The following RASA3 variants were observed in gnomAD, a reference collection of about 807,000 sequenced individuals.
The protein encoded by RASA3 is RAS p21 protein activator 3.
In RASA3, 73 loss-of-function variants were observed where a neutral mutation model predicts 110.0. The observed-to-expected ratio is 0.66, with a 90% CI of 0.55 to 0.81. RASA3 has a LOEUF of 0.81. Ranked by LOEUF, RASA3 falls within the 30% of genes least tolerant of loss-of-function variation. RASA3 has a pLI of 0.00. For missense variants in RASA3, 976 were observed against 1,113.2 expected (o/e 0.88, Z 1.75); for synonymous variants, 500 against 451.4 (o/e 1.11, Z -1.37).
intron 1 of RASA3, among the ~76,000 whole-genome samples, chr13:114,097,774 C>G (rs906242150): frequency 6.6e-6 from 1 of 152,200 alleles, no homozygotes; most frequent in Non-Finnish European, 1.5e-5. Flanking sequence ...GGGCAAGAGG[C>G]GGGAGAGAGT....
At position 114,065,546 on chromosome 13, in the gene RASA3, C is replaced by A. The variant is rs118056962; in HGVS notation, c.173+8174G>T. On this transcript the variant is annotated intron_variant, in intron 2 of 23. Coordinates refer to ENST00000334062, the MANE Select transcript of RASA3 (RefSeq NM_007368.4). The surrounding 1 kb of genome is among the most constrained non-coding windows in gnomAD (Gnocchi z 4.1). The stretch of plus-strand genomic sequence containing the variant: ...CCCCACAGAGAAGGGGCAACTTGGC[C>A]AGGGAAAATGCTCCATCTCCGCAAA... Among the ~76,000 whole-genome samples, 1 of 152,278 alleles carries A rather than the reference C, an allele frequency of 6.6e-6. No individual in the cohort carries two copies. Among genetic ancestry groups the A allele is most frequent in the East Asian group, 1.9e-4 (1 of 5,182 alleles).
intron 21 of RASA3, among the ~76,000 whole-genome samples, chr13:113,994,479 AAAG>A (rs1465401462): frequency 3.3e-5 from 5 of 152,196 alleles, no homozygotes; most frequent in Admixed American, 6.5e-5. Flanking sequence ...AAAAAAGAAG[AAAG>A]AAGATGAAGT....
chr13:114,043,463 C>A (rs1404104135), intron 3 of RASA3, among the ~76,000 whole-genome samples: 4 of 152,156 alleles, frequency 2.6e-5, no homozygotes, highest in South Asian at 2.1e-4. Flanking sequence ...AGCTCCGGGA[C>A]CCCCGCTCAC....
At chr13:114,097,902 G>A (rs1380970977) in intron 1 of RASA3, among the ~76,000 whole-genome samples, 7 of 152,234 alleles carry the variant, frequency 4.6e-5, no homozygotes, top group South Asian at 2.1e-4. Context: ...TGTGCACGCC[G>A]TGCAGCAGTG....
intron 3 of RASA3, 94 bp from the exon 4 acceptor site, chr13:114,041,188 T>C (rs1028890769): frequency 1.9e-6 from 2 of 1,068,940 alleles, no homozygotes; most frequent in Non-Finnish European, 1.4e-6. Flanking sequence ...CCGCAGCTTA[T>C]TTCCAACAGT....
chr13:114,117,671 G>T (rs2080307112), intron 1 of RASA3, among the ~76,000 whole-genome samples: 1 of 136,930 alleles, frequency 7.3e-6, no homozygotes, highest in South Asian at 2.4e-4. Flanking sequence ...TGTGAGGGAT[G>T]CACGTGTGTG....
intron 1 of RASA3, among the ~76,000 whole-genome samples, chr13:114,111,907 G>T (rs549937230): frequency 6.6e-6 from 1 of 152,194 alleles, no homozygotes; most frequent in Admixed American, 6.5e-5. Flanking sequence ...TGGGGTTGGG[G>T]CCCATCAACT....
intron 4 of RASA3, among the ~76,000 whole-genome samples, chr13:114,037,395 A>G (rs2139438497): frequency 6.6e-6 from 1 of 152,292 alleles, no homozygotes; most frequent in Admixed American, 6.5e-5. Flanking sequence ...GCAGAGCGAC[A>G]TTAGCCTCAG....
intron 1 of RASA3, among the ~76,000 whole-genome samples, chr13:114,081,088 A>G (rs2079781688): frequency 6.6e-6 from 1 of 152,176 alleles, no homozygotes; most frequent in Non-Finnish European, 1.5e-5. Flanking sequence ...CCGTCCACCT[A>G]GAACACCAAT....
chr13:114,119,733 TCCC>T (rs1284845475), intron 1 of RASA3, among the ~76,000 whole-genome samples: 1 of 4,440 alleles, frequency 2.3e-4, no homozygotes, highest in African/African-American at 9.5e-4. Flanking sequence ...GGGCCCCCCC[TCCC>T]TCTCTCCAGC....
At chr13:114,066,815 G>A (rs1306181822) in intron 2 of RASA3, among the ~76,000 whole-genome samples, 1 of 152,254 alleles carries the variant, frequency 6.6e-6, no homozygotes, top group Non-Finnish European at 1.5e-5. Context: ...AGGACCAGGG[G>A]CTCTGACCTG....
intron 4 of RASA3, among the ~76,000 whole-genome samples, chr13:114,030,891 CTGTG>C (rs1168809505): frequency 6.7e-6 from 1 of 149,806 alleles, no homozygotes; most frequent in African/African-American, 2.5e-5. Flanking sequence ...GTGCGTGCAA[CTGTG>C]TGTGTCTATG....
intron 20 of RASA3, among the ~76,000 whole-genome samples, chr13:113,998,514 C>T (rs778805929): frequency 2.0e-4 from 31 of 152,202 alleles, no homozygotes; most frequent in African/African-American, 7.5e-4. Context: ...AGGCTTGTCC[C>T]AGCCAGCATG....
At position 114,114,280 on chromosome 13, in the gene RASA3, G is replaced by GA. The variant is rs2080252443; in HGVS notation, c.55+18154dup. On this transcript the variant is annotated intron_variant, in intron 1 of 23. Coordinates refer to ENST00000334062, the MANE Select transcript of RASA3 (RefSeq NM_007368.4). The surrounding 1 kb of genome is among the most constrained non-coding windows in gnomAD (Gnocchi z 4.8). Reference sequence around the variant, plus strand: ...CAAATTCAGCTGCGGAGTGCAAAACGAATTTCCTCCTGTCACACGCTAACT... The same window carrying GA: ...CAAATTCAGCTGCGGAGTGCAAAACGAAATTTCCTCCTGTCACACGCTAACT... 6.6e-6 allele frequency among the ~76,000 whole-genome samples: 1 copy of GA among 152,198 alleles called. No individual in the cohort carries two copies. Among genetic ancestry groups the GA allele is most frequent in the African/African-American group, 2.4e-5 (1 of 41,446 alleles).
intron 9 of RASA3, among the ~76,000 whole-genome samples, chr13:114,019,787 C>A (rs908810851): frequency 7.2e-5 from 10 of 138,088 alleles, no homozygotes; most frequent in Admixed American, 7.1e-4. Context: ...GGCATTAGCC[C>A]CCCTCAGGTG....
intron 4 of RASA3, among the ~76,000 whole-genome samples, chr13:114,035,354 G>A (rs886149807): frequency 3.9e-5 from 6 of 152,190 alleles, no homozygotes; most frequent in African/African-American, 1.4e-4. Context: ...GCACTCCTGC[G>A]AACTCACAGA....
rs1256602887 is a variant in RASA3, at chr13:114,056,516, GTGTTCAGT to G, written c.174-4369_174-4362del. On this transcript the variant is annotated intron_variant, in intron 2 of 23. Coordinates refer to ENST00000334062, the MANE Select transcript of RASA3 (RefSeq NM_007368.4). The surrounding 1 kb of genome is among the most constrained non-coding windows in gnomAD (Gnocchi z 5.7). ...TCCCTGGGCGCTGCCCGGTAGCGGG[GTGTTCAGT>G]TGCTCTGCCAAAGGCTCTGCACAAG... 2.0e-6 allele frequency: 2 copies of G among 985,110 alleles called. No homozygotes were observed. Among genetic ancestry groups the G allele is most frequent in the Admixed American group, 6.2e-5 (1 of 16,254 alleles). 61.0% of individuals were successfully genotyped at this position (985,110 alleles called of 1,614,324 possible). A position where few individuals can be genotyped will look rare whatever the true frequency, so the allele number is the denominator to read the frequency against.
chr13:113,981,644 C>G (rs369764105), intron 23 of RASA3, 31 bp downstream of exon 23: 21 of 1,608,686 alleles, frequency 1.3e-5, no homozygotes, highest in Non-Finnish European at 1.7e-5. Flanking sequence ...CTACACTGGC[C>G]GTCCAGGGCA....
intron 11 of RASA3, 95 bp from the exon 12 acceptor site, chr13:114,017,446 G>T: frequency 1.0e-6 from 1 of 991,062 alleles, no homozygotes; most frequent in Non-Finnish European, 1.6e-6. Context: ...TGTGGGCTGT[G>T]AGGTCAGTGC....
Sources: gnomAD v4.1 joint callset for allele counts (sites outside exome capture counted in the v4.1 genomes callset) on GRCh38, gnomAD v4.1.1 for gene constraint, Gnocchi (gnomAD v3.1) non-coding constraint, MANE v1.5 for transcripts, NCBI Gene and HGNC (gene_info 2026-07-23, HGNC 2026-07-21) for gene names.